ASTN2: variants seen among roughly 807,000 people sequenced by gnomAD.
The protein encoded by ASTN2 is astrotactin-2.
Under a neutral mutation model 139.8 loss-of-function variants are expected in ASTN2, and 54 were observed. The ratio of observed to expected loss-of-function variants is 0.39; its 90% CI spans 0.31 to 0.48. The LOEUF (loss-of-function observed/expected upper bound fraction) is 0.48, where lower values mean the gene tolerates loss of function less well. Among genes scored for constraint, ASTN2 ranks in the 20% least tolerant of loss-of-function variants. ASTN2 has a pLI of 0.95. For synonymous variants in ASTN2, 756 were observed against 719.5 expected (o/e 1.05, Z -0.81); for missense variants, 1,565 against 1,725.1 (o/e 0.91, Z 1.64).
chr9:116,830,161 A>C (rs547348108), intron 11 of ASTN2, among the ~76,000 whole-genome samples: 34 of 152,362 alleles, frequency 2.2e-4, no homozygotes, highest in Admixed American at 1.6e-3. Context: ...CCCATTAAAA[A>C]TTGGGCAAAA....
chr9:117,202,222 C>A (rs1382504575), intron 3 of ASTN2, among the ~76,000 whole-genome samples: 1 of 152,030 alleles, frequency 6.6e-6, no homozygotes, highest in African/African-American at 2.4e-5. Context: ...TTATTTTAAG[C>A]CTGTGTGTGT....
At chr9:116,439,871 G>A (rs1847790012) in intron 22 of ASTN2, among the ~76,000 whole-genome samples, 1 of 152,188 alleles carries the variant, frequency 6.6e-6, no homozygotes, top group Admixed American at 6.5e-5. Flanking sequence ...ATAACTGCCT[G>A]TTTATGCAAC....
intron 3 of ASTN2, among the ~76,000 whole-genome samples, chr9:117,202,524 G>A (rs1201935770): frequency 1.3e-5 from 2 of 152,132 alleles, no homozygotes; most frequent in African/African-American, 4.8e-5. Context: ...GCTGTTGCAG[G>A]GCAGGCCTGG....
intron 1 of ASTN2, among the ~76,000 whole-genome samples, chr9:117,298,647 T>C (rs1834793273): frequency 1.4e-5 from 2 of 145,190 alleles, no homozygotes; most frequent in African/African-American, 5.1e-5. Context: ...TACTACTGTC[T>C]TGGTGTGTGT....
At chr9:116,516,719 A>T (rs1470614595) in intron 19 of ASTN2, among the ~76,000 whole-genome samples, 1 of 152,192 alleles carries the variant, frequency 6.6e-6, no homozygotes, top group Non-Finnish European at 1.5e-5. Context: ...ATCTGGGGCA[A>T]GTTTTCAGCC....
chr9:116,617,675 T>A (rs2131820397), intron 19 of ASTN2, among the ~76,000 whole-genome samples: 1 of 152,310 alleles, frequency 6.6e-6, no homozygotes, highest in African/African-American at 2.4e-5. Context: ...AAAACAGATG[T>A]CTAATTGATG....
chr9:117,323,589 T>C (rs781232466), intron 1 of ASTN2, among the ~76,000 whole-genome samples: 3 of 152,070 alleles, frequency 2.0e-5, no homozygotes, highest in Non-Finnish European at 2.9e-5. Flanking sequence ...ATCACTGACA[T>C]TGGATTCATT....
chr9:116,850,030 C>T (rs942156356), intron 11 of ASTN2, among the ~76,000 whole-genome samples: 6 of 152,080 alleles, frequency 3.9e-5, no homozygotes, highest in Non-Finnish European at 8.8e-5. Context: ...GAGACAGATG[C>T]CATATATGTT....
intron 4 of ASTN2, 61 bp downstream of exon 4, chr9:117,141,265 C>A: frequency 7.4e-7 from 1 of 1,343,266 alleles, no homozygotes; most frequent in South Asian, 1.2e-5. Flanking sequence ...ATCTCCCTAG[C>A]ATCTTTGGAA....
intron 11 of ASTN2, among the ~76,000 whole-genome samples, chr9:116,836,372 TG>T (rs35731693): frequency 0.21 from 31,674 of 152,000 alleles, 3,739 homozygotes; most frequent in Middle Eastern, 0.3. Context: ...GGCCAGGGGA[TG>T]GGGGTGCTCA....
At chr9:117,017,094 A>G (rs1837736544) in intron 6 of ASTN2, among the ~76,000 whole-genome samples, 1 of 152,052 alleles carries the variant, frequency 6.6e-6, no homozygotes, top group East Asian at 1.9e-4. Flanking sequence ...TCAAAAAAGT[A>G]TCTTTTCCCC....
chr9:117,202,155 T>C (rs1831745842), intron 3 of ASTN2, among the ~76,000 whole-genome samples: 1 of 152,200 alleles, frequency 6.6e-6, no homozygotes. Flanking sequence ...GAGAGTAGGA[T>C]TGCAATCCCT....
intron 1 of ASTN2, among the ~76,000 whole-genome samples, chr9:117,370,751 G>A (rs1177935225): frequency 6.6e-6 from 1 of 152,038 alleles, no homozygotes; most frequent in East Asian, 1.9e-4. Context: ...CTGTTGGCCA[G>A]GCTGGAGTGC....
intron 2 of ASTN2, among the ~76,000 whole-genome samples, chr9:117,289,390 A>G (rs1416062336): frequency 1.3e-5 from 2 of 152,132 alleles, no homozygotes; most frequent in African/African-American, 2.4e-5. Flanking sequence ...TCGAAGCTGA[A>G]CTCACTGAGC....
intron 11 of ASTN2, among the ~76,000 whole-genome samples, chr9:116,848,100 C>T (rs2132317610): frequency 6.6e-6 from 1 of 152,302 alleles, no homozygotes; most frequent in South Asian, 2.1e-4. Flanking sequence ...GTGTACCCCC[C>T]ATACACCAGA....
intron 4 of ASTN2, among the ~76,000 whole-genome samples, chr9:117,117,858 A>T (rs1355927426): frequency 1.3e-5 from 2 of 152,076 alleles, no homozygotes; most frequent in Non-Finnish European, 2.9e-5. Flanking sequence ...CAGACATGGC[A>T]CTCATTCCCA....
At chr9:117,152,414 A>G (rs1368311426) in intron 3 of ASTN2, among the ~76,000 whole-genome samples, 1 of 152,014 alleles carries the variant, frequency 6.6e-6, no homozygotes, top group East Asian at 1.9e-4. Flanking sequence ...ATTCTACTTC[A>G]TCCAGTCCCA....
intron 13 of ASTN2, among the ~76,000 whole-genome samples, chr9:116,762,404 A>G (rs1829696924): frequency 6.6e-6 from 1 of 152,182 alleles, no homozygotes; most frequent in South Asian, 2.1e-4. Context: ...GATAATTGAC[A>G]CTGAAGTGCT....
intron 1 of ASTN2, among the ~76,000 whole-genome samples, chr9:117,312,796 A>AT (rs1314864536): frequency 6.6e-6 from 1 of 152,124 alleles, no homozygotes; most frequent in Non-Finnish European, 1.5e-5. Flanking sequence ...AACCTTTGAA[A>AT]TGAAAGGATC....
Sources: gnomAD v4.1 joint callset for allele counts (sites outside exome capture counted in the v4.1 genomes callset) on GRCh38, gnomAD v4.1.1 for gene constraint, MANE v1.5 for transcripts, NCBI Gene and HGNC (gene_info 2026-07-23, HGNC 2026-07-21) for gene names.